SMYD3: variants seen among roughly 807,000 people sequenced by gnomAD.
SMYD3 encodes the protein histone-lysine N-methyltransferase SMYD3.
In SMYD3, 36 loss-of-function variants were observed where a neutral mutation model predicts 57.7. The observed-to-expected ratio is 0.62, with a 90% CI of 0.48 to 0.82. SMYD3 has a LOEUF of 0.82. Among genes scored for constraint, SMYD3 ranks in the 40% least tolerant of loss-of-function variants. SMYD3 has a pLI of 0.00. For missense variants in SMYD3, 515 were observed against 538.8 expected, an observed-to-expected ratio of 0.96 and a Z score of 0.44; for synonymous variants, 211 against 195.0, an observed-to-expected ratio of 1.08 and a Z score of -0.68.
intron 5 of SMYD3, among the ~76,000 whole-genome samples, chr1:246,234,105 C>T (rs2063473259): frequency 2.3e-5 from 3 of 129,104 alleles, no homozygotes; most frequent in East Asian, 3.7e-4. Context: ...ACATATACCA[C>T]ACAGAGGAGA....
intron 5 of SMYD3, among the ~76,000 whole-genome samples, chr1:246,000,530 C>G (rs1362269465): frequency 1.3e-5 from 2 of 152,126 alleles, no homozygotes; most frequent in East Asian, 3.9e-4. Context: ...GCCCCTAAAC[C>G]AAAAATGACA....
At chr1:246,169,381 CAAAAAAAAAA>C (rs55719556) in intron 5 of SMYD3, among the ~76,000 whole-genome samples, 100 of 61,886 alleles carry the variant, frequency 1.6e-3, no homozygotes, top group African/African-American at 4.2e-3. Context: ...GACTTTCTTT[CAAAAAAAAAA>C]AAAAAAAAAA....
intron 5 of SMYD3, among the ~76,000 whole-genome samples, chr1:246,251,240 G>GA (rs1478862860): frequency 6.6e-6 from 1 of 152,166 alleles, no homozygotes; most frequent in East Asian, 1.9e-4. Flanking sequence ...GCTTCACAGG[G>GA]GAACATTCTT....
chr1:246,106,773 G>A (rs539966566), intron 5 of SMYD3, among the ~76,000 whole-genome samples: 1 of 152,224 alleles, frequency 6.6e-6, no homozygotes, highest in Non-Finnish European at 1.5e-5. Context: ...TGGCCTATGT[G>A]GAGCCATGGG....
chr1:246,270,987 G>A (rs934012689), intron 5 of SMYD3, among the ~76,000 whole-genome samples: 43 of 152,030 alleles, frequency 2.8e-4, no homozygotes, highest in Admixed American at 2.8e-3. Context: ...TATTTTCTGG[G>A]GTTTTTTAAA....
chr1:246,462,317 T>G (rs986938308), intron 1 of SMYD3, among the ~76,000 whole-genome samples: 15 of 151,254 alleles, frequency 9.9e-5, no homozygotes, highest in Non-Finnish European at 1.9e-4. Context: ...CTGGGTATAG[T>G]GAATTCTCCC....
At position 246,327,205 on chromosome 1, in the gene SMYD3, G is replaced by T. The variant is rs1412222041; in HGVS notation, c.527C>A (p.Ala176Glu). 6.2e-7 allele frequency: 1 copy of T among 1,613,878 alleles called. No homozygotes were observed. Among genetic ancestry groups the T allele is most frequent in the East Asian group, 2.2e-5 (1 of 44,886 alleles). ...PPAFDLFEAF[A>E]KVICNSFTIC... ...AAGAGCAAACTTAACACTTACTTTTGCAAAGGCTTCAAAAAGGTCAAAGGC... is the reference window on the plus strand; with the variant it reads ...AAGAGCAAACTTAACACTTACTTTTTCAAAGGCTTCAAAAAGGTCAAAGGC... Residue 176 changes from alanine to glutamate, a missense_variant, in exon 5 of 12, where the codon GCA becomes GAA. Transcript: ENST00000490107.
chr1:246,414,717 G>GGT (rs1553344249), intron 1 of SMYD3, among the ~76,000 whole-genome samples: 20 of 123,376 alleles, frequency 1.6e-4, no homozygotes, highest in Non-Finnish European at 3.2e-4. Context: ...TTTTTTGCTG[G>GGT]TTTTTTTTTT....
At chr1:246,191,208 C>T (rs1486575639) in intron 5 of SMYD3, among the ~76,000 whole-genome samples, 1 of 152,186 alleles carries the variant, frequency 6.6e-6, no homozygotes, top group African/African-American at 2.4e-5. Context: ...TCCTTGAAAT[C>T]AGTACAGGGC....
intron 5 of SMYD3, among the ~76,000 whole-genome samples, chr1:246,313,481 G>A (rs2065111580): frequency 6.6e-6 from 1 of 152,138 alleles, no homozygotes. Flanking sequence ...ATTCTATTAA[G>A]GATATTTTTA....
chr1:246,120,664 G>A (rs892634535), intron 5 of SMYD3, among the ~76,000 whole-genome samples: 2 of 152,130 alleles, frequency 1.3e-5, no homozygotes, highest in African/African-American at 4.8e-5. Flanking sequence ...TAATGACATT[G>A]GCTAGATGGC....
chr1:245,987,222 T>A (rs1166883566), intron 5 of SMYD3, among the ~76,000 whole-genome samples: 1 of 152,216 alleles, frequency 6.6e-6, no homozygotes. Context: ...CACTGATCAA[T>A]TTCCCAGGAG....
At chr1:246,326,473 A>G (rs2065351957) in intron 5 of SMYD3, 2 of 619,034 alleles carry the variant, frequency 3.2e-6, no homozygotes, top group Admixed American at 3.2e-5. Context: ...CATTTAAAAA[A>G]AAAAAAAATA....
intron 2 of SMYD3, among the ~76,000 whole-genome samples, chr1:246,336,419 A>G (rs531657251): frequency 1.3e-5 from 2 of 152,336 alleles, no homozygotes; most frequent in East Asian, 3.9e-4. Flanking sequence ...TCTTATTTCA[A>G]AAATTATAAA....
chr1:246,242,164 TTC>T (rs2063624181), intron 5 of SMYD3, among the ~76,000 whole-genome samples: 2 of 152,320 alleles, frequency 1.3e-5, no homozygotes, highest in South Asian at 4.1e-4. Flanking sequence ...GCTTCTCTAG[TTC>T]TTTTAATTGT....
At chr1:245,878,313 C>A (rs2052599703) in intron 8 of SMYD3, among the ~76,000 whole-genome samples, 1 of 152,106 alleles carries the variant, frequency 6.6e-6, no homozygotes. Context: ...GTTTATGCCA[C>A]AGGGAAGGAG....
chr1:246,207,794 A>G (rs905561637), intron 5 of SMYD3, among the ~76,000 whole-genome samples: 1 of 152,158 alleles, frequency 6.6e-6, no homozygotes, highest in Non-Finnish European at 1.5e-5. Context: ...AAGTTTTCTC[A>G]TTTTAGATTT....
intron 1 of SMYD3, among the ~76,000 whole-genome samples, chr1:246,455,742 T>C (rs1450613294): frequency 1.3e-5 from 2 of 152,240 alleles, no homozygotes; most frequent in Non-Finnish European, 2.9e-5. Flanking sequence ...AAAGAATTTA[T>C]GGCAAAAATG....
At chr1:246,343,549 A>G (rs2065663694) in intron 2 of SMYD3, among the ~76,000 whole-genome samples, 1 of 152,354 alleles carries the variant, frequency 6.6e-6, no homozygotes, top group South Asian at 2.1e-4. Flanking sequence ...AGAATTCCAG[A>G]AAGGATCTAG....
Sources: allele counts gnomAD v4.1 joint callset (sites outside exome capture counted in the v4.1 genomes callset), GRCh38; gene constraint gnomAD v4.1.1; transcripts MANE v1.5; gene names NCBI Gene and HGNC (gene_info 2026-07-23, HGNC 2026-07-21).